ZNF324B: variants seen among roughly 807,000 people sequenced by gnomAD.
The protein encoded by ZNF324B is zinc finger protein 324B.
A neutral mutation model predicts 10.6 loss-of-function variants in ZNF324B; 7 were observed. The observed-to-expected ratio is 0.66, with a 90% CI of 0.38 to 1.24. The LOEUF (loss-of-function observed/expected upper bound fraction) is 1.24. Ranked by LOEUF, ZNF324B falls within the 50% of genes most tolerant of loss-of-function variation. The probability of loss-of-function intolerance (pLI) is 0.02; values close to 1 mark genes in which losing one functional copy is unlikely to be tolerated. For synonymous variants in ZNF324B, 316 were observed against 321.0 expected, an observed-to-expected ratio of 0.98 and a Z score of 0.17; for missense variants, 640 against 764.7, an observed-to-expected ratio of 0.84 and a Z score of 1.92.
Position 58,455,037 on chromosome 19 carries a change from G to A in ZNF324B, c.239-146G>A. On this transcript the variant is annotated intron_variant, in intron 3 of 3. Transcript: ENST00000336614. This position sits in a 1 kb window ranked among gnomAD's most constrained non-coding sequence, Gnocchi z 7.0. Reference sequence around the variant, plus strand: ...GGGCAGATGCTTCCTCCAAACCCCAGCCCCTCCTGCAGAGCCAGCCTCACC... The same window carrying A: ...GGGCAGATGCTTCCTCCAAACCCCAACCCCTCCTGCAGAGCCAGCCTCACC... 1 of 1,106,676 alleles carries A rather than the reference G, an allele frequency of 9.0e-7. No homozygotes were observed. 68.6% of individuals were successfully genotyped at this position (1,106,676 alleles called of 1,614,324 possible).
At chr19:58,447,164 C>T (rs142365851), upstream of ZNF324B, among the ~76,000 whole-genome samples, 1,032 of 151,724 alleles carry the variant, frequency 6.8e-3, 17 homozygotes, top group African/African-American at 0.024. Context: ...TTACTAGAGA[C>T]GGAGTTTCAC....
the ZNF324B span, chr19:58,435,255 G>A: frequency 2.5e-6 from 4 of 1,570,040 alleles, no homozygotes; most frequent in Non-Finnish European, 2.6e-6. Flanking sequence ...TCCACTTGGT[G>A]GGAATGGTTG....
chr19:58,435,292 T>C, the ZNF324B span: 3 of 1,493,522 alleles, frequency 2.0e-6, no homozygotes, highest in African/African-American at 2.8e-5. Context: ...TACCCAGGAA[T>C]TCACACCCAA....
Position 58,453,830 on chromosome 19 carries a change from C to G in ZNF324B, c.121+8C>G, listed in dbSNP as rs372726804. The G allele has an allele frequency of 6.2e-6, 10 of 1,611,146 alleles. No individual in the cohort carries two copies. Among genetic ancestry groups the G allele is most frequent in the Non-Finnish European group, 8.5e-6 (10 of 1,178,212 alleles). ...CACTTGTGACCTCACTTGGTAAGGC[C>G]CTGGGTGCTCCATGAAAAGTGCACT... On this transcript the variant is annotated splice_region_variant and intron_variant, in intron 2 of 3. Coordinates refer to ENST00000336614, the MANE Select transcript of ZNF324B (RefSeq NM_207395.3).
At chr19:58,423,886 G>A in the ZNF324B span, among the ~76,000 whole-genome samples, 7 of 151,652 alleles carry the variant, frequency 4.6e-5, no homozygotes, top group Admixed American at 1.3e-4. Flanking sequence ...ATCTCTCACC[G>A]TATACAAAAA....
At chr19:58,427,366 CTTTCTTTCTTTCTTTCTTT>C in the ZNF324B span, among the ~76,000 whole-genome samples, 18 of 41,926 alleles carry the variant, frequency 4.3e-4, no homozygotes, top group Admixed American at 2.6e-3. Context: ...TTCTTTCTTT[CTTTCTTTCTTTCTTTCTTT>C]CTTTCTTTCT....
chr19:58,435,466 T>C, the ZNF324B span: 72,582 of 402,386 alleles, frequency 0.18, 7,337 homozygotes, highest in Non-Finnish European at 0.21. Flanking sequence ...TAGACATTTC[T>C]CTAAAAGAAG....
chr19:58,439,616 C>G, the ZNF324B span: 45 of 808,254 alleles, frequency 5.6e-5, no homozygotes, highest in Non-Finnish European at 1.5e-5. Context: ...GGGTAAGTGA[C>G]TCCCAGGGCA....
At chr19:58,430,192 A>G in the ZNF324B span, 1 of 152,218 alleles carries the variant, frequency 6.6e-6, no homozygotes, top group Non-Finnish European at 1.5e-5. Context: ...CAGCCCACAA[A>G]AAACTGAATG....
the ZNF324B span, among the ~76,000 whole-genome samples, chr19:58,428,382 T>C: frequency 6.6e-6 from 1 of 152,232 alleles, no homozygotes; most frequent in Non-Finnish European, 1.5e-5. Context: ...GAAATCTGAA[T>C]ATTTGGCTCT....
the ZNF324B span, among the ~76,000 whole-genome samples, chr19:58,426,728 GT>G: frequency 1.3e-5 from 2 of 152,180 alleles, no homozygotes; most frequent in Non-Finnish European, 2.9e-5. Flanking sequence ...CCTTTCAAGG[GT>G]GTCCCTGATG....
At chr19:58,450,031 AG>A (rs1483545019), upstream of ZNF324B, among the ~76,000 whole-genome samples, 1 of 152,188 alleles carries the variant, frequency 6.6e-6, no homozygotes, top group African/African-American at 2.4e-5. Flanking sequence ...ATGTTGTGGA[AG>A]GGGCCCCAGT....
At chr19:58,448,175 G>T (rs574366947), upstream of ZNF324B, among the ~76,000 whole-genome samples, 5 of 152,352 alleles carry the variant, frequency 3.3e-5, no homozygotes, top group Non-Finnish European at 7.3e-5. Flanking sequence ...GCAGAGGTTG[G>T]AACAGTTTGG....
intron 3 of ZNF324B, chr19:58,454,711 T>C: frequency 3.5e-6 from 2 of 564,056 alleles, no homozygotes; most frequent in South Asian, 2.4e-5. Flanking sequence ...AGGACACTCA[T>C]GGTCCTGCCT....
chr19:58,445,748 G>A, the ZNF324B span: 1 of 318,056 alleles, frequency 3.1e-6, no homozygotes, highest in Non-Finnish European at 6.1e-6. Context: ...TCAGGGGGCA[G>A]AGGTTGCAGT....
chr19:58,440,375 T>A, the ZNF324B span: 1 of 154,724 alleles, frequency 6.5e-6, no homozygotes, highest in Non-Finnish European at 1.4e-5. Context: ...GCCTCAGGGC[T>A]GGCCATTGGC....
Position 58,451,695 on chromosome 19 carries a change from G to C in ZNF324B, c.-16G>C. 4.0e-6 allele frequency: 2 copies of C among 498,750 alleles called. No homozygotes were observed. The highest frequency in any genetic ancestry group is 7.9e-6 in the Non-Finnish European group (2 of 251,730). The allele number at this position is 498,750 out of a possible 1,614,324, so 30.9% of individuals were successfully genotyped here. A position where few individuals can be genotyped will look rare whatever the true frequency, so the allele number is the denominator to read the frequency against. On this transcript the variant is annotated 5_prime_UTR_variant, in exon 1 of 4. Coordinates refer to ENST00000336614, the MANE Select transcript of ZNF324B (RefSeq NM_207395.3). ...GCGCGGGTCGGGGCCCGAGGCGGGC[G>C]GCCAGGAAGGTACGGACCACGAGCA...
At chr19:58,427,504 T>TCC in the ZNF324B span, among the ~76,000 whole-genome samples, 332 of 104,444 alleles carry the variant, frequency 3.2e-3, 23 homozygotes, top group African/African-American at 0.015. Flanking sequence ...CTTTCTTTCT[T>TCC]TTTCTTTCTT....
the ZNF324B span, among the ~76,000 whole-genome samples, chr19:58,427,363 T>TC: frequency 0.018 from 870 of 48,196 alleles, 4 homozygotes; most frequent in Non-Finnish European, 0.025. Flanking sequence ...TCTTTCTTTC[T>TC]TTCTTTCTTT....
Sources: gnomAD v4.1 joint callset for allele counts (sites outside exome capture counted in the v4.1 genomes callset) on GRCh38, gnomAD v4.1.1 for gene constraint, Gnocchi (gnomAD v3.1) non-coding constraint, MANE v1.5 for transcripts, NCBI Gene and HGNC (gene_info 2026-07-23, HGNC 2026-07-21) for gene names.